Variants in DNAH5 observed in about 807,000 individuals in gnomAD.
DNAH5 encodes the protein axonemal beta dynein heavy chain 5.
Under a neutral mutation model 518.2 loss-of-function variants are expected in DNAH5, and 372 were observed. The observed-to-expected ratio is 0.72, with a 90% CI of 0.66 to 0.78. The LOEUF is 0.78. Among genes scored for constraint, DNAH5 ranks in the 30% least tolerant of loss-of-function variants. The pLI is 0.00. For synonymous variants in DNAH5, 2,039 were observed against 2,025.9 expected, an observed-to-expected ratio of 1.01 and a Z score of -0.17; for missense variants, 5,523 against 5,687.0, an observed-to-expected ratio of 0.97 and a Z score of 0.93.
chr5:13,954,498 G>A (rs749028645), intron 1 of DNAH5, among the ~76,000 whole-genome samples: 47 of 152,214 alleles, frequency 3.1e-4, no homozygotes, highest in Non-Finnish European at 6.6e-4. Context: ...GCAATTGCAT[G>A]TCTAAAAATT....
intron 1 of DNAH5, among the ~76,000 whole-genome samples, chr5:13,998,799 TA>T (rs1168126506): frequency 1.3e-5 from 2 of 152,228 alleles, no homozygotes; most frequent in African/African-American, 4.8e-5. Flanking sequence ...AGGGCTGGGA[TA>T]AATACATGTT....
Position 13,913,934 on chromosome 5 carries a change from T to A in DNAH5, c.1345A>T (p.Thr449Ser). 6.2e-7 allele frequency: 1 copy of A among 1,613,322 alleles called. No individual in the cohort carries two copies. Among genetic ancestry groups the A allele is most frequent in the Non-Finnish European group, 8.5e-7 (1 of 1,179,404 alleles). Residue 449 changes from threonine to serine, a missense_variant, in exon 11 of 79, where the codon ACA (threonine) becomes TCA (serine). Physicochemically the swap from Thr to Ser is moderately conservative, Grantham distance 58 (BLOSUM62 1). Coordinates refer to ENST00000265104, the MANE Select transcript of DNAH5 (RefSeq NM_001369.3). ...GGATTTTGTTTAAGCTTTTGTTTTG[T>A]CTTGTGAAAGCAGAGCTGGTATTCC... ...KQEYQLCFHKTKQKLKQNPNA... is the reference protein window; with the variant it reads ...KQEYQLCFHKSKQKLKQNPNA...
At chr5:13,937,788 T>C (rs537445279) in intron 1 of DNAH5, among the ~76,000 whole-genome samples, 1 of 152,296 alleles carries the variant, frequency 6.6e-6, no homozygotes, top group Non-Finnish European at 1.5e-5. Flanking sequence ...CACGTTGAAA[T>C]GAATATATTT....
intron 15 of DNAH5, 126 bp downstream of exon 15, chr5:13,900,080 T>C (rs1354207156): frequency 1.9e-5 from 17 of 875,682 alleles, no homozygotes; most frequent in Non-Finnish European, 2.9e-5. Context: ...CCCATGGCAC[T>C]GTCCCCTCAG....
Position 13,824,301 on chromosome 5 carries a change from C to T in DNAH5, c.6477G>A (p.Leu2159=), listed in dbSNP as rs778815016. Residue 2159 remains leucine, a synonymous_variant, in exon 39 of 79, where the codon CTG becomes CTA. Transcript: ENST00000265104. ...VHYDFGLRNI[L]SVLRTLGAAK... ...CTGCTCCCAAGGTCCGAAGAACTGACAGAATGTTACGCAGGCCAAAGTCAT... is the reference window on the plus strand; with the variant it reads ...CTGCTCCCAAGGTCCGAAGAACTGATAGAATGTTACGCAGGCCAAAGTCAT... The T allele has an allele frequency of 3.1e-6, 5 of 1,613,932 alleles. No individual in the cohort carries two copies. The African/African-American group carries it at 6.7e-5, about 22-fold the overall frequency.
Position 13,839,417 on chromosome 5 carries a change from T to G in DNAH5, c.5821A>C (p.Ile1941Leu). 2 of 1,614,074 alleles carry G rather than the reference T, an allele frequency of 1.2e-6. No individual in the cohort carries two copies. Among genetic ancestry groups the G allele is most frequent in the Non-Finnish European group, 1.7e-6 (2 of 1,179,908 alleles). Residue 1941 changes from isoleucine (I) to leucine (L), a missense_variant, in exon 35 of 79, where the codon ATA becomes CTA. Ile to Leu is a conservative substitution (Grantham distance 5). Coordinates refer to ENST00000265104, the MANE Select transcript of DNAH5 (RefSeq NM_001369.3). Reference sequence around the variant, plus strand: ...CAGCCTAAAAATTCATTCTGGTATATGAACGCCACATCTGTGATGTGAATC... The same window carrying G: ...CAGCCTAAAAATTCATTCTGGTATAGGAACGCCACATCTGTGATGTGAATC... ...MMIHITDVAF[I>L]YQNEFLGCTD... is the part of the protein sequence containing the mutation.
At chr5:13,884,815 G>A (rs1169044850) in intron 19 of DNAH5, among the ~76,000 whole-genome samples, 174 bp downstream of exon 19, 3 of 152,182 alleles carry the variant, frequency 2.0e-5, no homozygotes, top group African/African-American at 7.2e-5. Context: ...CAACCTGGTC[G>A]ACAGGGCGAG....
intron 12 of DNAH5, among the ~76,000 whole-genome samples, chr5:13,902,710 C>A (rs909487230): frequency 5.3e-5 from 8 of 152,178 alleles, no homozygotes; most frequent in African/African-American, 1.9e-4. Flanking sequence ...AGTTTGCTGA[C>A]CCCTGCCCTA....
chr5:13,960,597 T>C (rs143262142), intron 1 of DNAH5, among the ~76,000 whole-genome samples: 1 of 152,322 alleles, frequency 6.6e-6, no homozygotes, highest in Non-Finnish European at 1.5e-5. Flanking sequence ...ATTTATCTGG[T>C]CCTGTACAGA....
chr5:13,770,719 T>C (rs1753218900), intron 56 of DNAH5, 30 bp downstream of exon 56: 3 of 1,598,028 alleles, frequency 1.9e-6, no homozygotes, highest in East Asian at 2.2e-5. Context: ...ACGGCTTTAA[T>C]ATAGCTTTGT....
chr5:13,702,270 T>G (rs1253903441), intron 76 of DNAH5, among the ~76,000 whole-genome samples: 1 of 152,242 alleles, frequency 6.6e-6, no homozygotes, highest in East Asian at 1.9e-4. Context: ...ACACTTGAAT[T>G]TCAAATACCT....
intron 61 of DNAH5, among the ~76,000 whole-genome samples, chr5:13,755,551 A>G (rs1295331707): frequency 6.6e-6 from 1 of 152,228 alleles, no homozygotes; most frequent in Non-Finnish European, 1.5e-5. Flanking sequence ...GTATAGAGAC[A>G]TGAATTGCTT....
chr5:13,839,549 G>A, intron 34 of DNAH5, 21 bp from the exon 35 acceptor site: 1 of 1,597,868 alleles, frequency 6.3e-7, no homozygotes. Context: ...AAAGGTATAT[G>A]TTAGAGCTCT....
intron 53 of DNAH5, among the ~76,000 whole-genome samples, chr5:13,779,876 G>T (rs1359269569): frequency 6.6e-6 from 1 of 152,034 alleles, no homozygotes; most frequent in African/African-American, 2.4e-5. Flanking sequence ...GGCTTGCCCA[G>T]ACCCCTGAGA....
At chr5:13,751,698 A>C (rs1033045022) in intron 64 of DNAH5, among the ~76,000 whole-genome samples, 4 of 152,100 alleles carry the variant, frequency 2.6e-5, no homozygotes, top group African/African-American at 9.7e-5. Context: ...GGCTTGAGAG[A>C]GCAGGGAGGG....
chr5:13,841,654 A>G, intron 33 of DNAH5, 38 bp downstream of exon 33: 1 of 1,516,734 alleles, frequency 6.6e-7, no homozygotes, highest in Non-Finnish European at 9.2e-7. Context: ...TAAAATGACT[A>G]TTTTACAAAA....
rs554697500 is a variant in DNAH5 at position 13,761,018 on chromosome 5, G to A, written c.10281+1704C>T. On this transcript the variant is annotated intron_variant, in intron 60 of 78. Coordinates refer to ENST00000265104, the MANE Select transcript of DNAH5 (RefSeq NM_001369.3). The stretch of plus-strand genomic sequence containing the variant: ...ATGCTAGATACTTGTAAGAATATAA[G>A]AGAACAGACTTCTCAGAAAGAAAAG... Among the ~76,000 whole-genome samples the A allele has an allele frequency of 1.7e-3, 259 of 152,276 alleles. 1 individual carries two copies. Among genetic ancestry groups the A allele is most frequent in the African/African-American group, 6.0e-3 (251 of 41,562 alleles).
intron 1 of DNAH5, among the ~76,000 whole-genome samples, chr5:13,961,205 A>G (rs1781153443): frequency 6.6e-6 from 1 of 152,216 alleles, no homozygotes; most frequent in African/African-American, 2.4e-5. Flanking sequence ...TCATCTTTTT[A>G]AAATAAAAGA....
chr5:13,799,272 A>G (rs6874349), intron 47 of DNAH5, among the ~76,000 whole-genome samples: 60,649 of 149,214 alleles, frequency 0.41, 12,395 homozygotes, highest in East Asian at 0.63. Context: ...CAATGAATTG[A>G]AATGCACCTC....
Sources: allele counts gnomAD v4.1 joint callset (sites outside exome capture counted in the v4.1 genomes callset), GRCh38; gene constraint gnomAD v4.1.1; transcripts MANE v1.5; gene names NCBI Gene and HGNC (gene_info 2026-07-23, HGNC 2026-07-21).